The following BICD1 variants were observed in gnomAD, a reference collection of about 807,000 sequenced individuals.
BICD1 encodes BICD cargo adaptor 1.
BICD1 carries 35 observed loss-of-function variants against 92.5 expected under a neutral mutation model. That is an observed-to-expected ratio of 0.38 (90% CI 0.29 to 0.50). BICD1 has a LOEUF of 0.50. Ranked by LOEUF, BICD1 falls within the 20% of genes least tolerant of loss-of-function variation. BICD1 has a pLI of 0.93. For synonymous variants in BICD1, 429 were observed against 465.1 expected (o/e 0.92, Z 1.00); for missense variants, 950 against 1,189.8 (o/e 0.80, Z 2.97).
At chr12:32,285,867 G>A (rs1947550281) in intron 2 of BICD1, among the ~76,000 whole-genome samples, 1 of 152,220 alleles carries the variant, frequency 6.6e-6, no homozygotes, top group Non-Finnish European at 1.5e-5. Flanking sequence ...GGAGATAAAT[G>A]TATGATGAAT....
At chr12:32,177,017 A>C (rs961835516) in intron 1 of BICD1, among the ~76,000 whole-genome samples, 2 of 151,372 alleles carry the variant, frequency 1.3e-5, no homozygotes, top group Admixed American at 1.3e-4. Context: ...AAATTCTTTA[A>C]GAATTACAGT....
chr12:32,206,554 C>T (rs778775823), intron 1 of BICD1, among the ~76,000 whole-genome samples: 4 of 152,014 alleles, frequency 2.6e-5, no homozygotes, highest in African/African-American at 7.3e-5. Flanking sequence ...TGCAGTGAGC[C>T]GAGATCACGC....
At chr12:32,163,254 TCATTAATTTATGCAG>T (rs1328845833) in intron 1 of BICD1, among the ~76,000 whole-genome samples, 3 of 152,156 alleles carry the variant, frequency 2.0e-5, no homozygotes, top group Non-Finnish European at 4.4e-5. Flanking sequence ...TGCCTTCTTT[TCATTAATTTATGCAG>T]CATTTGAGGG....
intron 8 of BICD1, among the ~76,000 whole-genome samples, chr12:32,365,843 C>A (rs1939508018): frequency 2.6e-5 from 4 of 152,164 alleles, no homozygotes; most frequent in Admixed American, 2.6e-4. Context: ...AAAAGGGAAT[C>A]TGGAGCTAAT....
chr12:32,128,804 G>T (rs549291427), intron 1 of BICD1, among the ~76,000 whole-genome samples: 2 of 151,946 alleles, frequency 1.3e-5, no homozygotes, highest in Non-Finnish European at 2.9e-5. Flanking sequence ...ATAGGGTATT[G>T]TTTTGTTGCG....
intron 4 of BICD1, among the ~76,000 whole-genome samples, chr12:32,312,934 C>CAAAT (rs1205432215): frequency 6.6e-6 from 1 of 152,108 alleles, no homozygotes; most frequent in East Asian, 1.9e-4. Context: ...CAGTGGCAGT[C>CAAAT]AAATACCTTA....
chr12:32,207,666 A>G (rs1210253744), intron 1 of BICD1, among the ~76,000 whole-genome samples: 2 of 152,304 alleles, frequency 1.3e-5, no homozygotes, highest in Middle Eastern at 3.4e-3. Context: ...GGGTGGAGTT[A>G]TGTTAAAAGC....
intron 1 of BICD1, among the ~76,000 whole-genome samples, chr12:32,174,258 A>C (rs1341337569): frequency 6.6e-6 from 1 of 152,180 alleles, no homozygotes; most frequent in African/African-American, 2.4e-5. Flanking sequence ...TTTTTTGTTT[A>C]ACACAAAAAC....
In BICD1 at chr12:32,305,746, C is replaced by A. The variant is rs367637446; in HGVS notation, c.629C>A (p.Thr210Lys). ...KHEIKRFEEETVLLNSQLEDA... is the reference protein window; with the variant it reads ...KHEIKRFEEEKVLLNSQLEDA... ...GAGATTAAGCGATTTGAGGAGGAGA[C>A]GGTACTGCTGAACAGCCAGCTGGAA... is the stretch of plus-strand genomic sequence containing the variant. The change falls in exon 4 of 10, where the codon ACG (threonine) becomes AAG (lysine). Residue 210 changes from threonine to lysine, a missense_variant. This residue lies in a region of BICD1 where 246 missense variants were observed against 258.4 expected (regional missense o/e 0.95). Coordinates refer to ENST00000652176, the MANE Select transcript of BICD1 (RefSeq NM_001714.4). 1 of 1,613,870 alleles carries A rather than the reference C, an allele frequency of 6.2e-7. No homozygotes were observed. Among genetic ancestry groups the A allele is most frequent in the African/African-American group, 1.3e-5 (1 of 74,860 alleles).
intron 2 of BICD1, among the ~76,000 whole-genome samples, chr12:32,256,586 G>A (rs116303051): frequency 0.013 from 1,903 of 152,168 alleles, 48 homozygotes; most frequent in African/African-American, 0.043. Flanking sequence ...TTTTTATTTT[G>A]AAAAATTGAA....
intron 2 of BICD1, among the ~76,000 whole-genome samples, chr12:32,278,673 G>A (rs1947336421): frequency 1.3e-5 from 2 of 152,072 alleles, no homozygotes; most frequent in South Asian, 2.1e-4. Context: ...CTAACACAGT[G>A]AAACCCTGTC....
chr12:32,305,237 A>G (rs1020481549), intron 3 of BICD1, among the ~76,000 whole-genome samples: 1 of 152,190 alleles, frequency 6.6e-6, no homozygotes, highest in African/African-American at 2.4e-5. Context: ...CTCATTATTA[A>G]TAAGGAAATA....
At position 32,216,300 on chromosome 12, in the gene BICD1, T is replaced by C. The variant is rs201523719; in HGVS notation, c.267T>C (p.Thr89=). The change falls in exon 2 of 10, where the codon ACT becomes ACC. Residue 89 remains threonine (T), a synonymous_variant. Coordinates refer to ENST00000652176, the MANE Select transcript of BICD1 (RefSeq NM_001714.4). ...IHRKVAEDGE[T]REETLLQESA... ...GGAAGGTTGCTGAAGATGGAGAGACTCGGGAGGAAACGCTTCTGCAGGAGT... is the reference window on the plus strand; with the variant it reads ...GGAAGGTTGCTGAAGATGGAGAGACCCGGGAGGAAACGCTTCTGCAGGAGT... 6.6e-4 allele frequency: 1,067 copies of C among 1,614,102 alleles called. 12 individuals are homozygous for C. The South Asian group carries it at 0.011, about 17-fold the overall frequency.
rs1172217593 is a variant in BICD1, at chr12:32,338,824, G to A, written c.2609G>A (p.Arg870Lys). Residue 870 changes from arginine (R) to lysine (K), a missense_variant, in exon 8 of 10, where the codon AGG (arginine) becomes AAG (lysine). By Grantham distance (26) the Arg-to-Lys change is conservative. Around this residue, in one of 5 missense-constraint regions of BICD1, gnomAD observed 179 missense variants for 186.7 expected, o/e 0.96. Transcript: ENST00000652176. The part of the protein sequence containing the change: ...SPSLCDQSRP[R>K]TSGASYLQNL... Reference sequence around the variant, plus strand: ...TCCCTTTGTGATCAGAGCCGTCCCAGGACTTCAGGGGCTTCCTACCTACAG... The same window carrying A: ...TCCCTTTGTGATCAGAGCCGTCCCAAGACTTCAGGGGCTTCCTACCTACAG... The A allele has an allele frequency of 6.2e-7, 1 of 1,604,230 alleles. No homozygotes were observed. The highest frequency in any genetic ancestry group is 1.1e-5 in the South Asian group (1 of 89,206).
At chr12:32,107,584 C>G in intron 1 of BICD1, 40 bp downstream of exon 1, 1 of 1,535,790 alleles carries the variant, frequency 6.5e-7, no homozygotes, top group Non-Finnish European at 8.8e-7. Context: ...GGCCCTCACT[C>G]CCCCCACCCG....
At chr12:32,289,783 A>T (rs181717329) in intron 2 of BICD1, among the ~76,000 whole-genome samples, 1 of 152,376 alleles carries the variant, frequency 6.6e-6, no homozygotes, top group East Asian at 1.9e-4. Context: ...TATTTCATAA[A>T]TTCAGGCATA....
At chr12:32,327,057 T>C (rs1393406237) in intron 4 of BICD1, among the ~76,000 whole-genome samples, 1 of 152,202 alleles carries the variant, frequency 6.6e-6, no homozygotes, top group African/African-American at 2.4e-5. Flanking sequence ...ATAGGCACCC[T>C]GATACAGTCA....
intron 2 of BICD1, among the ~76,000 whole-genome samples, chr12:32,234,308 C>G (rs1003097767): frequency 4.6e-5 from 7 of 152,022 alleles, no homozygotes; most frequent in African/African-American, 1.7e-4. Context: ...TTTTAAAAAG[C>G]AAAATTAGGC....
intron 1 of BICD1, among the ~76,000 whole-genome samples, chr12:32,118,613 A>G (rs1942035273): frequency 1.3e-5 from 2 of 152,184 alleles, no homozygotes; most frequent in Non-Finnish European, 2.9e-5. Flanking sequence ...AGATGATTTA[A>G]TGTATACTGG....
Sources: allele counts gnomAD v4.1 joint callset (sites outside exome capture counted in the v4.1 genomes callset), GRCh38; gene constraint gnomAD v4.1.1; regional missense constraint gnomAD v4.1.1; transcripts MANE v1.5; gene names NCBI Gene and HGNC (gene_info 2026-07-23, HGNC 2026-07-21).